The following NRXN3 variants were observed in gnomAD, a reference collection of about 807,000 sequenced individuals.
The protein encoded by NRXN3 is neurexin 3, also known as neurexin III.
In NRXN3, 32 loss-of-function variants were observed where a neutral mutation model predicts 137.6. That is an observed-to-expected ratio of 0.23 (90% CI 0.18 to 0.31). The LOEUF (loss-of-function observed/expected upper bound fraction) is 0.31, where lower values mean the gene tolerates loss of function less well. NRXN3 is among the 10% of genes least tolerant of loss of function. The pLI is 1.00. For missense variants in NRXN3, 1,574 were observed against 2,062.5 expected (o/e 0.76, Z 4.59); for synonymous variants, 798 against 784.5 (o/e 1.02, Z -0.29).
At chr14:79,443,700 T>A (rs1299426010) in intron 15 of NRXN3, among the ~76,000 whole-genome samples, 1 of 152,210 alleles carries the variant, frequency 6.6e-6, no homozygotes, top group Non-Finnish European at 1.5e-5. Context: ...GAATGAGGAA[T>A]CTTTGGGGCA....
intron 15 of NRXN3, among the ~76,000 whole-genome samples, chr14:79,231,453 C>T (rs576614794): frequency 6.6e-6 from 1 of 152,230 alleles, no homozygotes; most frequent in South Asian, 2.1e-4. Flanking sequence ...CTTCCCATCC[C>T]CCACCTCACA....
chr14:79,269,526 C>T (rs1368805076), intron 15 of NRXN3, among the ~76,000 whole-genome samples: 1 of 152,146 alleles, frequency 6.6e-6, no homozygotes, highest in African/African-American at 2.4e-5. Context: ...CCTTCTTTTT[C>T]TTACCGGCGA....
intron 4 of NRXN3, among the ~76,000 whole-genome samples, chr14:78,525,817 G>T (rs1393266867): frequency 6.6e-6 from 1 of 152,118 alleles, no homozygotes; most frequent in African/African-American, 2.4e-5. Flanking sequence ...TCCTGGTTTT[G>T]CTCCTCATTA....
chr14:79,277,595 T>G (rs559234452), intron 15 of NRXN3, among the ~76,000 whole-genome samples: 1 of 152,312 alleles, frequency 6.6e-6, no homozygotes, highest in East Asian at 1.9e-4. Flanking sequence ...ATACTGTATA[T>G]TTTCTCATTT....
chr14:78,989,144 C>A (rs150791987), intron 15 of NRXN3, among the ~76,000 whole-genome samples: 81 of 152,168 alleles, frequency 5.3e-4, no homozygotes, highest in Non-Finnish European at 9.1e-4. Flanking sequence ...CTAAATGCAG[C>A]CTTTGTTTTA....
At chr14:79,689,453 G>T (rs1233389638) in intron 17 of NRXN3, among the ~76,000 whole-genome samples, 1 of 152,046 alleles carries the variant, frequency 6.6e-6, no homozygotes, top group Non-Finnish European at 1.5e-5. Flanking sequence ...CATGAAAAGA[G>T]ACTAAGAACA....
chr14:78,340,961 T>C (rs1265573364), intron 4 of NRXN3, among the ~76,000 whole-genome samples: 1 of 152,174 alleles, frequency 6.6e-6, no homozygotes, highest in Non-Finnish European at 1.5e-5. Context: ...ATTTAGCAAA[T>C]AAAAATATAG....
At chr14:79,770,783 A>G (rs920514170) in intron 19 of NRXN3, among the ~76,000 whole-genome samples, 4 of 151,568 alleles carry the variant, frequency 2.6e-5, no homozygotes, top group African/African-American at 9.7e-5. Context: ...TCAGAGCAGA[A>G]CTGAAGGAAA....
At chr14:78,290,194 G>A (rs1203494369) in intron 3 of NRXN3, among the ~76,000 whole-genome samples, 1 of 152,226 alleles carries the variant, frequency 6.6e-6, no homozygotes, top group Non-Finnish European at 1.5e-5. Flanking sequence ...CTGGTAGGTA[G>A]AGGATTGCAC....
intron 14 of NRXN3, among the ~76,000 whole-genome samples, chr14:78,985,814 T>G (rs1326816986): frequency 6.6e-6 from 1 of 152,186 alleles, no homozygotes; most frequent in Non-Finnish European, 1.5e-5. Context: ...CTGTCCTGAT[T>G]TACCATTGTT....
intron 4 of NRXN3, among the ~76,000 whole-genome samples, chr14:78,522,999 G>A (rs926033204): frequency 1.3e-5 from 2 of 152,140 alleles, no homozygotes; most frequent in Non-Finnish European, 2.9e-5. Flanking sequence ...TTGGGTCTAT[G>A]TTATTTGATT....
At chr14:78,301,523 A>T (rs2076875221) in intron 4 of NRXN3, among the ~76,000 whole-genome samples, 1 of 152,204 alleles carries the variant, frequency 6.6e-6, no homozygotes, top group Non-Finnish European at 1.5e-5. Context: ...AAATTGGATT[A>T]GTTGTTCAGG....
intron 15 of NRXN3, among the ~76,000 whole-genome samples, chr14:79,381,355 C>T (rs753542149): frequency 7.2e-5 from 11 of 151,820 alleles, no homozygotes; most frequent in Non-Finnish European, 1.2e-4. Flanking sequence ...CTCTGAAGGC[C>T]GATGTTCCTT....
intron 19 of NRXN3, among the ~76,000 whole-genome samples, chr14:79,770,656 C>A (rs1219333681): frequency 2.7e-5 from 4 of 149,116 alleles, no homozygotes; most frequent in East Asian, 2.0e-4. Flanking sequence ...GCACTAAATG[C>A]CCACAAGAGA....
At chr14:78,187,787 T>G (rs1004215362) in intron 1 of NRXN3, among the ~76,000 whole-genome samples, 68 of 151,430 alleles carry the variant, frequency 4.5e-4, no homozygotes, top group Non-Finnish European at 9.0e-4. Context: ...AGTTGTTTTT[T>G]TTTTTTTTTT....
At chr14:78,417,581 C>T (rs73329120) in intron 4 of NRXN3, among the ~76,000 whole-genome samples, 3,701 of 152,222 alleles carry the variant, frequency 0.024, 127 homozygotes, top group African/African-American at 0.08. Flanking sequence ...ATGGGTATCC[C>T]AAGAAACCAG....
At chr14:79,440,241 A>C (rs1264968484) in intron 15 of NRXN3, among the ~76,000 whole-genome samples, 2 of 152,178 alleles carry the variant, frequency 1.3e-5, no homozygotes, top group African/African-American at 2.4e-5. Context: ...CCAAGGCAGA[A>C]AGTGATTTGA....
chr14:79,639,423 A>G (rs750519584), intron 16 of NRXN3, among the ~76,000 whole-genome samples: 1 of 151,374 alleles, frequency 6.6e-6, no homozygotes, highest in Non-Finnish European at 1.5e-5. Context: ...TGTGTTGATG[A>G]GTTCTCTAGA....
At chr14:79,853,131 G>C (rs2099395359) in intron 20 of NRXN3, among the ~76,000 whole-genome samples, 1 of 152,074 alleles carries the variant, frequency 6.6e-6, no homozygotes, top group South Asian at 2.1e-4. Flanking sequence ...TTTCTCTATA[G>C]AGAAGTAATT....
Sources: allele counts gnomAD v4.1 joint callset (sites outside exome capture counted in the v4.1 genomes callset), GRCh38; gene constraint gnomAD v4.1.1; transcripts MANE v1.5; gene names NCBI Gene and HGNC (gene_info 2026-07-23, HGNC 2026-07-21).